Variants in NECAB1 observed in about 807,000 individuals in gnomAD.
NECAB1 encodes N-terminal EF-hand calcium-binding protein 1.
A neutral mutation model predicts 57.5 loss-of-function variants in NECAB1; 29 were observed. The observed-to-expected ratio is 0.50, with a 90% confidence interval of 0.38 to 0.69. The LOEUF is 0.69. Ranked by LOEUF, NECAB1 falls within the 30% of genes least tolerant of loss-of-function variation. NECAB1 has a pLI of 0.00. For missense variants in NECAB1, 372 were observed against 413.8 expected (o/e 0.90, Z 0.88); for synonymous variants, 142 against 147.7 (o/e 0.96, Z 0.28).
At position 90,939,446 on chromosome 8, in the gene NECAB1, A is replaced by G. The variant is rs548566044; in HGVS notation, c.748-1340A>G. 1.3e-3 allele frequency among the ~76,000 whole-genome samples: 201 copies of G among 152,356 alleles called. 3 individuals carry two copies. The highest frequency in any genetic ancestry group is 8.4e-4 in the African/African-American group (35 of 41,588). ...TAAAAAGTCAAATTAGTCAAAGGGC[A>G]TGAGTTCAGGAGGGTAGTGAAGAGT... On this transcript the variant is annotated intron_variant, in intron 9 of 12. Coordinates refer to ENST00000417640, the MANE Select transcript of NECAB1 (RefSeq NM_022351.5).
At chr8:90,893,495 C>T (rs1004865934) in intron 5 of NECAB1, among the ~76,000 whole-genome samples, 6 of 152,064 alleles carry the variant, frequency 3.9e-5, no homozygotes, top group Admixed American at 2.0e-4. Context: ...AGCGACTTGG[C>T]GACCACAATC....
intron 3 of NECAB1, among the ~76,000 whole-genome samples, chr8:90,849,880 G>T (rs1177944063): frequency 6.6e-6 from 1 of 151,778 alleles, no homozygotes; most frequent in Non-Finnish European, 1.5e-5. Context: ...GGATCATTGT[G>T]TTTGGTTATA....
chr8:90,811,949 C>A (rs373501067), intron 2 of NECAB1, among the ~76,000 whole-genome samples: 3 of 152,248 alleles, frequency 2.0e-5, no homozygotes, highest in Admixed American at 2.0e-4. Context: ...TATATACACA[C>A]CCCCAGAGAT....
chr8:90,837,012 C>A (rs1432364038), intron 3 of NECAB1, among the ~76,000 whole-genome samples: 1 of 152,190 alleles, frequency 6.6e-6, no homozygotes, highest in African/African-American at 2.4e-5. Context: ...AACTCAGGAT[C>A]TTTGCAATAG....
Position 90,917,840 on chromosome 8 carries a change from CTATATATATATA to C in NECAB1, c.494+232_494+243del, listed in dbSNP as rs34288387. ...CTTTTACTGTCAGTCATTTAGTAAA[CTATATATATATA>C]TATATATATATATATATATGTGTGT... On this transcript the variant is annotated intron_variant, in intron 6 of 12. Transcript: ENST00000417640. Among the ~76,000 whole-genome samples, 64 of 47,330 alleles carry C rather than the reference CTATATATATATA, an allele frequency of 1.4e-3. 2 individuals are homozygous for C. The highest frequency in any genetic ancestry group is 8.0e-3 in the African/African-American group (60 of 7,466). The allele number at this position is 47,330 out of a possible 152,430, so 31.1% of individuals were successfully genotyped here.
At chr8:90,920,184 C>A (rs905065507) in intron 6 of NECAB1, among the ~76,000 whole-genome samples, 1 of 152,160 alleles carries the variant, frequency 6.6e-6, no homozygotes, top group Non-Finnish European at 1.5e-5. Flanking sequence ...TGTTGTATGG[C>A]ATTTGACTAA....
chr8:90,823,875 A>G (rs4389891), intron 2 of NECAB1, among the ~76,000 whole-genome samples: 23,104 of 151,720 alleles, frequency 0.15, 3,214 homozygotes, highest in African/African-American at 0.38. Context: ...CTCTTTTCTC[A>G]TCCATTCGTT....
intron 4 of NECAB1, among the ~76,000 whole-genome samples, chr8:90,875,947 T>C (rs1011416293): frequency 6.6e-6 from 1 of 151,758 alleles, no homozygotes; most frequent in Non-Finnish European, 1.5e-5. Context: ...GAGGCGGAGC[T>C]TGCAGTGAGC....
intron 12 of NECAB1, among the ~76,000 whole-genome samples, chr8:90,954,147 C>A (rs1360748266): frequency 2.0e-5 from 3 of 149,270 alleles, no homozygotes; most frequent in African/African-American, 7.4e-5. Flanking sequence ...AAATTAAAAT[C>A]TGAAAGAAAA....
intron 1 of NECAB1, among the ~76,000 whole-genome samples, chr8:90,794,071 A>G (rs1811620392): frequency 6.6e-6 from 1 of 152,170 alleles, no homozygotes; most frequent in Non-Finnish European, 1.5e-5. Context: ...AGAGGTGTTG[A>G]CATGCTTGTT....
intron 5 of NECAB1, among the ~76,000 whole-genome samples, chr8:90,889,555 C>G (rs987352113): frequency 2.0e-5 from 3 of 152,080 alleles, no homozygotes; most frequent in Non-Finnish European, 4.4e-5. Flanking sequence ...GTGGGTGATT[C>G]CTATTCAGAG....
At chr8:90,901,229 C>T (rs1324715355) in intron 5 of NECAB1, among the ~76,000 whole-genome samples, 1 of 120,884 alleles carries the variant, frequency 8.3e-6, no homozygotes, top group Non-Finnish European at 1.6e-5. Flanking sequence ...ATTTAAGTCT[C>T]TCTGTTAAAA....
At chr8:90,930,494 A>G (rs780320740) in intron 8 of NECAB1, among the ~76,000 whole-genome samples, 3 of 152,138 alleles carry the variant, frequency 2.0e-5, no homozygotes, top group Non-Finnish European at 4.4e-5. Context: ...TAGATGTTAG[A>G]AGGAGAGAAG....
chr8:90,892,445 C>T (rs1314121604), intron 5 of NECAB1, among the ~76,000 whole-genome samples: 2 of 152,054 alleles, frequency 1.3e-5, no homozygotes. Context: ...TTGTAACATA[C>T]AATATTTAAA....
chr8:90,905,483 A>C (rs529953994), intron 5 of NECAB1, among the ~76,000 whole-genome samples: 1 of 152,326 alleles, frequency 6.6e-6, no homozygotes, highest in South Asian at 2.1e-4. Context: ...ACAGGTTCAT[A>C]GGCAGTTGGA....
intron 8 of NECAB1, among the ~76,000 whole-genome samples, chr8:90,931,937 A>T (rs1292484112): frequency 6.6e-6 from 1 of 151,040 alleles, no homozygotes; most frequent in Admixed American, 6.6e-5. Flanking sequence ...AAACAAAAAT[A>T]AAAAACAAAA....
At chr8:90,858,506 A>T (rs1432014631) in intron 3 of NECAB1, among the ~76,000 whole-genome samples, 1 of 152,210 alleles carries the variant, frequency 6.6e-6, no homozygotes, top group Non-Finnish European at 1.5e-5. Flanking sequence ...TCATTGCCAG[A>T]AAAACATTTC....
At chr8:90,857,684 G>A (rs6471257) in intron 3 of NECAB1, among the ~76,000 whole-genome samples, 70,025 of 151,684 alleles carry the variant, frequency 0.46, 19,582 homozygotes, top group East Asian at 0.77. Context: ...TTTAACCTTG[G>A]TACCAAGCTA....
At chr8:90,891,536 A>G (rs1809167935) in intron 5 of NECAB1, among the ~76,000 whole-genome samples, 1 of 152,056 alleles carries the variant, frequency 6.6e-6, no homozygotes, top group African/African-American at 2.4e-5. Flanking sequence ...CTATTCCCAT[A>G]TATAAAAAAA....
Sources: gnomAD v4.1 joint callset for allele counts (sites outside exome capture counted in the v4.1 genomes callset) on GRCh38, gnomAD v4.1.1 for gene constraint, MANE v1.5 for transcripts, NCBI Gene and HGNC (gene_info 2026-07-23, HGNC 2026-07-21) for gene names.